Variants in DNHD1 observed in about 807,000 individuals in gnomAD.
DNHD1 encodes the protein dynein heavy chain domain-containing protein 1.
DNHD1 carries 383 observed loss-of-function variants against 458.1 expected under a neutral mutation model. The observed-to-expected ratio is 0.84, with a 90% CI of 0.77 to 0.91. The LOEUF is 0.91. DNHD1 is among the 40% of genes least tolerant of loss of function. DNHD1 has a pLI of 0.00. For missense variants in DNHD1, 5,336 were observed against 5,866.1 expected (o/e 0.91, Z 2.95); for synonymous variants, 2,203 against 2,376.9 (o/e 0.93, Z 2.13).
At chr11:6,555,608 A>G (rs1490613794) in intron 24 of DNHD1, among the ~76,000 whole-genome samples, 1 of 152,226 alleles carries the variant, frequency 6.6e-6, no homozygotes, top group East Asian at 1.9e-4. Context: ...AATACTACTC[A>G]GGAATAAAAT....
rs927742636 is a variant in DNHD1 at position 6,548,803 on chromosome 11, C to T, written c.7257C>T (p.Ser2419=). The change falls in exon 24 of 43, where the codon TCC becomes TCT. Residue 2419 remains serine (S), a synonymous_variant. Transcript: ENST00000254579. The surrounding 1 kb of genome is among the most constrained non-coding windows in gnomAD (Gnocchi z 4.4). ...GCCCCATCCACCCTGCCTTCAGTTC[C>T]TCCCACCTCCGTCTCCTGCTGAGCA... ...IYSPIHPAFS[S]SHLRLLLSRG... is the part of the protein sequence containing the mutation. 16 of 1,551,566 alleles carry T rather than the reference C, an allele frequency of 1.0e-5. No homozygotes were observed. Among genetic ancestry groups the T allele is most frequent in the Non-Finnish European group, 1.4e-5 (16 of 1,146,998 alleles).
rs775733503 is a variant in DNHD1 at position 6,558,672 on chromosome 11, C to CA, written c.9191dup (p.Ser3065GlufsTer5). 16 of 1,550,664 alleles carry CA rather than the reference C, an allele frequency of 1.0e-5. No individual in the cohort carries two copies. The South Asian group carries it at 1.9e-4, about 18-fold the overall frequency. On this transcript the variant is annotated frameshift_variant, in exon 26 of 43. Transcript: ENST00000254579. LOFTEE classifies it high-confidence loss of function. Reference sequence around the variant, plus strand: ...GGCCCAGCATCACCTGGAGGGTGCTCAGAGTGTGCCCCTTGATGACGGTAA... The same window carrying CA: ...GGCCCAGCATCACCTGGAGGGTGCTCAAGAGTGTGCCCCTTGATGACGGTAA...
In DNHD1 at chr11:6,533,985, TGCAGCAGCTGATG is replaced by T; in HGVS notation, c.2819_2831del (p.Leu940HisfsTer34). 6.4e-7 allele frequency: 1 copy of T among 1,551,522 alleles called. No homozygotes were observed. Among genetic ancestry groups the T allele is most frequent in the Non-Finnish European group, 8.7e-7 (1 of 1,146,926 alleles). On this transcript the variant is annotated frameshift_variant, in exon 14 of 43. Coordinates refer to ENST00000254579, the MANE Select transcript of DNHD1 (RefSeq NM_144666.3). ...AAGCGACATGCCATTATGCCCAAGC[TGCAGCAGCTGATG>T]GCAGCAGCATTGGCAGAGCTGGAAG...
Position 6,538,760 on chromosome 11 carries a change from A to C in DNHD1, c.3275A>C (p.Lys1092Thr). 1.3e-6 allele frequency: 2 copies of C among 1,542,836 alleles called. No homozygotes were observed. Among genetic ancestry groups the C allele is most frequent in the Non-Finnish European group, 1.8e-6 (2 of 1,141,426 alleles). ...CGCAGCTACCTGCCCCTGCTCACTA[A>C]GCTGGGCAGCCTCCACCCACAGAGC... ...EFRSYLPLLT[K>T]LGSLHPQSLN... The change falls in exon 16 of 43, where the codon AAG (lysine) becomes ACG (threonine). Residue 1092 changes from lysine (K) to threonine (T), a missense_variant. Coordinates refer to ENST00000254579, the MANE Select transcript of DNHD1 (RefSeq NM_144666.3).
Position 6,557,753 on chromosome 11 carries a change from G to A in DNHD1, c.8458G>A (p.Val2820Ile). ...LHPQEKPSDL[V>I]FSQELILGPN... ...TCCCCAGGAAAAGCCCTCAGACCTG[G>A]TCTTCAGTCAGGAGCTGATACTGGG... Residue 2820 changes from valine to isoleucine, a missense_variant, in exon 25 of 43, where the codon GTC becomes ATC. Val to Ile is a conservative substitution (Grantham distance 29). Coordinates refer to ENST00000254579, the MANE Select transcript of DNHD1 (RefSeq NM_144666.3). The A allele has an allele frequency of 6.4e-7, 1 of 1,551,688 alleles. No homozygotes were observed. The highest frequency in any genetic ancestry group is 8.7e-7 in the Non-Finnish European group (1 of 1,146,996).
Position 6,534,048 on chromosome 11 carries a change from G to A in DNHD1, c.2873G>A (p.Gly958Asp). The change falls in exon 14 of 43, where the codon GGT becomes GAT. Residue 958 changes from glycine (G) to aspartate (D), a missense_variant. By Grantham distance (94) the Gly-to-Asp change is moderately conservative (BLOSUM62 -1). Coordinates refer to ENST00000254579, the MANE Select transcript of DNHD1 (RefSeq NM_144666.3). Reference sequence around the variant, plus strand: ...GGCCTGCTTGCGAAGGCCCTCTCCGGTCCCTTTATGGACCCCACACAAGAT... The same window carrying A: ...GGCCTGCTTGCGAAGGCCCTCTCCGATCCCTTTATGGACCCCACACAAGAT... ...LEGLLAKALSGPFMDPTQDQR... is the reference protein window; with the variant it reads ...LEGLLAKALSDPFMDPTQDQR... 6.4e-7 allele frequency: 1 copy of A among 1,551,528 alleles called. No homozygotes were observed. Among genetic ancestry groups the A allele is most frequent in the Non-Finnish European group, 8.7e-7 (1 of 1,146,966 alleles).
chr11:6,514,190 A>G (rs1034717301), intron 7 of DNHD1, among the ~76,000 whole-genome samples: 1 of 150,236 alleles, frequency 6.7e-6, no homozygotes, highest in East Asian at 2.0e-4. Context: ...TGCAACCTCC[A>G]CCTCCTGTGT....
Position 6,502,900 on chromosome 11 carries a change from C to A in DNHD1, c.894C>A (p.Leu298=). 1 of 1,613,790 alleles carries A rather than the reference C, an allele frequency of 6.2e-7. No homozygotes were observed. Among genetic ancestry groups the A allele is most frequent in the South Asian group, 1.1e-5 (1 of 90,974 alleles). The change falls in exon 4 of 43, where the codon CTC becomes CTA. Residue 298 remains leucine, a synonymous_variant. Coordinates refer to ENST00000254579, the MANE Select transcript of DNHD1 (RefSeq NM_144666.3). ...RYLKKIHFLY[L]NVAPSRYFRP... Reference sequence around the variant, plus strand: ...TGAAGAAGATCCACTTCCTCTATCTCAATGTGGCTCCCAGCCGGTACTTTA... The same window carrying A: ...TGAAGAAGATCCACTTCCTCTATCTAAATGTGGCTCCCAGCCGGTACTTTA...
intron 7 of DNHD1, among the ~76,000 whole-genome samples, chr11:6,518,108 C>T (rs1412076817): frequency 6.6e-6 from 1 of 152,092 alleles, no homozygotes; most frequent in African/African-American, 2.4e-5. Context: ...ACTCTGTTGC[C>T]CATGCAGTGG....
Position 6,539,980 on chromosome 11 carries a change from T to C in DNHD1, c.3525T>C (p.His1175=), listed in dbSNP as rs1375884158. The change falls in exon 18 of 43, where the codon CAT becomes CAC. Residue 1175 remains histidine (H), a synonymous_variant. Transcript: ENST00000254579. ...TGCGCCTGCTCAACTTCATCCTGCA[T>C]GTACCCTACGAGCCCCCAGCCTCAG... ...RQLRLLNFIL[H]VPYEPPASER... 6.4e-7 allele frequency: 1 copy of C among 1,551,640 alleles called. No homozygotes were observed. The highest frequency in any genetic ancestry group is 8.7e-7 in the Non-Finnish European group (1 of 1,146,998).
intron 7 of DNHD1, among the ~76,000 whole-genome samples, chr11:6,514,757 A>G (rs955481849): frequency 1.2e-4 from 18 of 152,120 alleles, no homozygotes; most frequent in Admixed American, 3.9e-4. Flanking sequence ...TTGAGAGTCA[A>G]TTGAAGGCAT....
chr11:6,557,145 C>G lies in DNHD1; in HGVS notation c.7850C>G (p.Pro2617Arg). The G allele has an allele frequency of 1.3e-6, 2 of 1,551,740 alleles. No homozygotes were observed. The highest frequency in any genetic ancestry group is 8.7e-7 in the Non-Finnish European group (1 of 1,147,004). Residue 2617 changes from proline to arginine, a missense_variant, in exon 25 of 43, where the codon CCC becomes CGC. Physicochemically the swap from Pro to Arg is moderately radical, Grantham distance 103. This residue lies in a region of DNHD1 where 3,932 missense variants were observed against 4,365.6 expected (regional missense o/e 0.90). Transcript: ENST00000254579. Reference protein sequence around the residue: ...RTGSRGFVDYPNHQEHLRRVS... With the variant: ...RTGSRGFVDYRNHQEHLRRVS... Reference sequence around the variant, plus strand: ...GGCTCCCGAGGTTTTGTGGACTATCCCAACCACCAGGAGCACTTGCGCCGG... The same window carrying G: ...GGCTCCCGAGGTTTTGTGGACTATCGCAACCACCAGGAGCACTTGCGCCGG...
rs1347250922 is a variant in DNHD1 at position 6,571,693 on chromosome 11, C to T, written c.13969C>T (p.Gln4657Ter). ...GAGAGGGCTGCTGCTGATCGGGCTACAGGTCCTACATGCGGAGTGGGACCC... is the reference window on the plus strand; with the variant it reads ...GAGAGGGCTGCTGCTGATCGGGCTATAGGTCCTACATGCGGAGTGGGACCC... Reference protein sequence around the residue: ...PERGLLLIGLQVLHAEWDPIA... With the variant: ...PERGLLLIGL The change falls in exon 43 of 43, where the codon CAG becomes TAG. Residue 4657 changes from glutamine (Q) to a stop codon, truncating the protein, a stop_gained. Coordinates refer to ENST00000254579, the MANE Select transcript of DNHD1 (RefSeq NM_144666.3). LOFTEE classifies it high-confidence loss of function. The surrounding 1 kb of genome is among the most constrained non-coding windows in gnomAD (Gnocchi z 5.0). The T allele has an allele frequency of 6.2e-7, 1 of 1,611,720 alleles. No individual in the cohort carries two copies.
chr11:6,551,838 G>C (rs1853357043), intron 24 of DNHD1, among the ~76,000 whole-genome samples: 1 of 152,040 alleles, frequency 6.6e-6, no homozygotes, highest in Non-Finnish European at 1.5e-5. Flanking sequence ...CTACTCGGGA[G>C]GCTGAGGCAG....
chr11:6,568,900 T>A, intron 39 of DNHD1, 34 bp downstream of exon 39: 2 of 1,575,872 alleles, frequency 1.3e-6, no homozygotes, highest in Non-Finnish European at 8.6e-7. Context: ...GCTCAGTCAA[T>A]CACTCAACAA....
chr11:6,501,301 ATT>A (rs5789468), intron 3 of DNHD1, among the ~76,000 whole-genome samples: 5,281 of 144,608 alleles, frequency 0.037, 259 homozygotes, highest in African/African-American at 0.11. Context: ...CTGGGTAGGG[ATT>A]TTTTTTTTTT....
At chr11:6,543,217 T>C (rs1267665488) in intron 18 of DNHD1, among the ~76,000 whole-genome samples, 1 of 152,216 alleles carries the variant, frequency 6.6e-6, no homozygotes, top group African/African-American at 2.4e-5. Context: ...GAGTCCTACA[T>C]GTGTCTGAAT....
intron 41 of DNHD1, 43 bp from the exon 42 acceptor site, chr11:6,570,575 G>A (rs1258726574): frequency 6.5e-7 from 1 of 1,536,274 alleles, no homozygotes; most frequent in Non-Finnish European, 8.8e-7. Flanking sequence ...TCTAGGGTGG[G>A]GAGAGTCCAT....
At position 6,570,015 on chromosome 11, in the gene DNHD1, AGT is replaced by A; in HGVS notation, c.12872_12873del (p.Val4291AspfsTer17). On this transcript the variant is annotated frameshift_variant, in exon 40 of 43. Transcript: ENST00000254579. LOFTEE classifies it high-confidence loss of function. ...LQAHRGRWSQ[V>X]TLTQVLQTQD... ...TTCCGCTCCCCTTCTCTAGGAGTCA[AGT>A]GACTCTAACCCAGGTTCTTCAGACC... 1 of 1,613,806 alleles carries A rather than the reference AGT, an allele frequency of 6.2e-7. No individual in the cohort carries two copies. Among genetic ancestry groups the A allele is most frequent in the East Asian group, 2.2e-5 (1 of 44,888 alleles).
Sources: allele counts gnomAD v4.1 joint callset (sites outside exome capture counted in the v4.1 genomes callset), GRCh38; gene constraint gnomAD v4.1.1; regional missense constraint gnomAD v4.1.1; non-coding constraint Gnocchi (gnomAD v3.1); transcripts MANE v1.5; gene names NCBI Gene and HGNC (gene_info 2026-07-23, HGNC 2026-07-21).